Variants in ZC3H3 observed in about 807,000 individuals in gnomAD.
ZC3H3 encodes zinc finger CCCH domain-containing protein 3.
ZC3H3 carries 36 observed loss-of-function variants against 77.3 expected under a neutral mutation model. The ratio of observed to expected loss-of-function variants is 0.47; its 90% confidence interval spans 0.36 to 0.61. ZC3H3 has a LOEUF of 0.61. Ranked by LOEUF, ZC3H3 falls within the 20% of genes least tolerant of loss-of-function variation. The pLI is 0.00. For missense variants in ZC3H3, 1,331 were observed against 1,312.2 expected (o/e 1.01, Z -0.22); for synonymous variants, 626 against 555.2 (o/e 1.13, Z -1.79).
intron 4 of ZC3H3, among the ~76,000 whole-genome samples, chr8:143,491,146 G>A (rs1821190047): frequency 6.6e-6 from 1 of 152,150 alleles, no homozygotes; most frequent in South Asian, 2.1e-4. Context: ...GGGCAGATGG[G>A]GCAGGAGGGC....
Position 143,539,197 on chromosome 8 carries a change from G to A in ZC3H3, c.170C>T (p.Pro57Leu). 6.2e-7 allele frequency: 1 copy of A among 1,612,984 alleles called. No homozygotes were observed. The highest frequency in any genetic ancestry group is 8.5e-7 in the Non-Finnish European group (1 of 1,180,038). ...GRAFSARYPR[P>L]SRRGYSSHHG... ...GTGGGAAGAGTAGCCCCTCCGGCTT[G>A]GACGAGGGTAGCGGGCACTAAAGGC... Residue 57 changes from proline to leucine, a missense_variant, in exon 2 of 12, where the codon CCA becomes CTA. By Grantham distance (98) the Pro-to-Leu change is moderately conservative (BLOSUM62 -3). Transcript: ENST00000262577.
chr8:143,453,131 C>T (rs1190043635), intron 9 of ZC3H3, among the ~76,000 whole-genome samples: 1 of 152,162 alleles, frequency 6.6e-6, no homozygotes, highest in African/African-American at 2.4e-5. Flanking sequence ...ACTCTCTTGC[C>T]TAGTGGTACA....
intron 3 of ZC3H3, among the ~76,000 whole-genome samples, chr8:143,534,989 A>G (rs35726397): frequency 0.14 from 21,938 of 151,372 alleles, 1,733 homozygotes; most frequent in Admixed American, 0.21. Flanking sequence ...GGGTCTGCCC[A>G]GGCCCAGCTC....
At chr8:143,472,934 G>A (rs1424573756) in intron 5 of ZC3H3, among the ~76,000 whole-genome samples, 1 of 152,216 alleles carries the variant, frequency 6.6e-6, no homozygotes, top group Non-Finnish European at 1.5e-5. Context: ...CCTGGGATGG[G>A]CTCTGGCTCT....
At chr8:143,464,057 C>T (rs911050910) in intron 9 of ZC3H3, among the ~76,000 whole-genome samples, 5 of 152,262 alleles carry the variant, frequency 3.3e-5, no homozygotes, top group South Asian at 2.1e-4. Context: ...CGCAAGGTGA[C>T]GATTCAGCAC....
In ZC3H3 at chr8:143,475,641, A is replaced by C. The variant is rs1385452041; in HGVS notation, c.1716-56T>G. ...GGCCCCAGGACAGACTACAGCTCTG[A>C]TGGTCAGTGCCAGGGGCCGAGCCCA... On this transcript the variant is annotated intron_variant, in intron 4 of 11. Transcript: ENST00000262577. 1.3e-5 allele frequency: 20 copies of C among 1,500,658 alleles called. No individual in the cohort carries two copies. The East Asian group carries it at 4.9e-4, about 37-fold the overall frequency. The allele number at this position is 1,500,658 out of a possible 1,614,324, so 93.0% of individuals were successfully genotyped here.
At chr8:143,509,884 A>G (rs1821819476) in intron 3 of ZC3H3, among the ~76,000 whole-genome samples, 1 of 152,186 alleles carries the variant, frequency 6.6e-6, no homozygotes, top group Non-Finnish European at 1.5e-5. Flanking sequence ...CCCTTCGGCT[A>G]AAATCACTTC....
At chr8:143,524,103 G>A (rs1483752696) in intron 3 of ZC3H3, among the ~76,000 whole-genome samples, 3 of 152,252 alleles carry the variant, frequency 2.0e-5, no homozygotes, top group African/African-American at 4.8e-5. Flanking sequence ...GGCAGGAGGG[G>A]CAAGTGTGCC....
At position 143,494,063 on chromosome 8, in the gene ZC3H3, A is replaced by T. The variant is rs961062165; in HGVS notation, c.1715+13683T>A. On this transcript the variant is annotated intron_variant, in intron 4 of 11. Coordinates refer to ENST00000262577, the MANE Select transcript of ZC3H3 (RefSeq NM_015117.3). The surrounding 1 kb of genome is among the most constrained non-coding windows in gnomAD (Gnocchi z 5.3). ...AAAAAACCTGCCGGAGTCCTGCCTCAGCAGCACGTGGGGAAGCCTGGGGAG... is the reference window on the plus strand; with the variant it reads ...AAAAAACCTGCCGGAGTCCTGCCTCTGCAGCACGTGGGGAAGCCTGGGGAG... Among the ~76,000 whole-genome samples the T allele has an allele frequency of 6.6e-6, 1 of 152,176 alleles. No homozygotes were observed.
intron 3 of ZC3H3, chr8:143,523,319 T>A (rs1822309412): frequency 1.0e-6 from 1 of 985,298 alleles, no homozygotes; most frequent in Non-Finnish European, 1.2e-6. Flanking sequence ...CAAGCTCACC[T>A]GCAGCGCCAG....
intron 5 of ZC3H3, among the ~76,000 whole-genome samples, chr8:143,473,229 C>G (rs1372705504): frequency 6.6e-6 from 1 of 152,118 alleles, no homozygotes; most frequent in Non-Finnish European, 1.5e-5. Context: ...TGGCTGTGCA[C>G]AGGGTCCTGC....
In ZC3H3 at chr8:143,484,967, A is replaced by G. The variant is rs73715627; in HGVS notation, c.1716-9382T>C. 7.0e-6 allele frequency: 3 copies of G among 429,350 alleles called. No individual in the cohort carries two copies. In the Admixed American group the frequency reaches 8.1e-5, roughly 12 times the overall value. 26.6% of individuals were successfully genotyped at this position (429,350 alleles called of 1,614,324 possible). On this transcript the variant is annotated intron_variant, in intron 4 of 11. Transcript: ENST00000262577. ...TGGTATCTGCAAAAACCACGGGAAA[A>G]CCACAATAAAAACCCACTCACTTCA...
At position 143,538,220 on chromosome 8, in the gene ZC3H3, T is replaced by C; in HGVS notation, c.1147A>G (p.Ser383Gly). The change falls in exon 2 of 12, where the codon AGC becomes GGC. Residue 383 changes from serine to glycine, a missense_variant. This residue lies in a region of ZC3H3 where 978 missense variants were observed against 915.5 expected (regional missense o/e 1.07). Transcript: ENST00000262577. ...GAGGAAGAGGAGGAGGCAGAGGGGCTGGAGGCCTTCCACTTGTACTTGCTG... is the reference window on the plus strand; with the variant it reads ...GAGGAAGAGGAGGAGGCAGAGGGGCCGGAGGCCTTCCACTTGTACTTGCTG... ...APSKYKWKASSPSASSSSSFR... is the reference protein window; with the variant it reads ...APSKYKWKASGPSASSSSSFR... The C allele has an allele frequency of 6.2e-7, 1 of 1,613,022 alleles. No homozygotes were observed. The highest frequency in any genetic ancestry group is 8.5e-7 in the Non-Finnish European group (1 of 1,180,038).
At chr8:143,529,069 G>A (rs1361276472) in intron 3 of ZC3H3, among the ~76,000 whole-genome samples, 1 of 152,252 alleles carries the variant, frequency 6.6e-6, no homozygotes, top group Non-Finnish European at 1.5e-5. Flanking sequence ...CCACCTCACA[G>A]ACTCCCGAAT....
chr8:143,535,970 C>T (rs1485876081), intron 3 of ZC3H3, among the ~76,000 whole-genome samples: 3 of 152,234 alleles, frequency 2.0e-5, no homozygotes, highest in Admixed American at 6.5e-5. Flanking sequence ...CAGCAGCCGC[C>T]GCCCTCTCCT....
chr8:143,497,214 A>G (rs1381966178), intron 4 of ZC3H3, among the ~76,000 whole-genome samples: 1 of 152,208 alleles, frequency 6.6e-6, no homozygotes, highest in Non-Finnish European at 1.5e-5. Flanking sequence ...AAGAGGAGAG[A>G]GCCCAGGAGC....
chr8:143,504,646 T>A (rs1481994624), intron 4 of ZC3H3, among the ~76,000 whole-genome samples: 2 of 152,134 alleles, frequency 1.3e-5, no homozygotes, highest in African/African-American at 4.8e-5. Context: ...TGCCCCCAAC[T>A]ACACCCTACC....
chr8:143,504,511 C>T (rs1050330076), intron 4 of ZC3H3, among the ~76,000 whole-genome samples: 5 of 152,144 alleles, frequency 3.3e-5, no homozygotes, highest in African/African-American at 7.2e-5. Flanking sequence ...CCCCCTCCTC[C>T]GTCTTTGGGG....
intron 1 of ZC3H3, among the ~76,000 whole-genome samples, chr8:143,539,577 T>C (rs1822942103): frequency 6.6e-6 from 1 of 152,152 alleles, no homozygotes; most frequent in East Asian, 1.9e-4. Context: ...CACACAGAAA[T>C]GAACCGTGTG....
Sources: allele counts gnomAD v4.1 joint callset (sites outside exome capture counted in the v4.1 genomes callset), GRCh38; gene constraint gnomAD v4.1.1; regional missense constraint gnomAD v4.1.1; non-coding constraint Gnocchi (gnomAD v3.1); transcripts MANE v1.5; gene names NCBI Gene and HGNC (gene_info 2026-07-23, HGNC 2026-07-21).